The following SKAP2 variants were observed in gnomAD, a reference collection of about 807,000 sequenced individuals.
SKAP2 encodes the protein src kinase associated phosphoprotein 2, also known as src kinase-associated phosphoprotein 2.
Under a neutral mutation model 54.9 loss-of-function variants are expected in SKAP2, and 28 were observed. The ratio of observed to expected loss-of-function variants is 0.51; its 90% confidence interval spans 0.38 to 0.70. The LOEUF (loss-of-function observed/expected upper bound fraction) is 0.70. SKAP2 is among the 30% of genes least tolerant of loss of function. SKAP2 has a pLI of 0.00. For missense variants in SKAP2, 356 were observed against 424.1 expected (o/e 0.84, Z 1.41); for synonymous variants, 137 against 134.3 (o/e 1.02, Z -0.14).
intron 11 of SKAP2, among the ~76,000 whole-genome samples, chr7:26,676,158 T>A (rs575950319): frequency 2.9e-4 from 44 of 152,342 alleles, no homozygotes; most frequent in African/African-American, 1.0e-3. Flanking sequence ...ATTTGGACCC[T>A]CACAGAATTC....
At chr7:26,787,607 G>A (rs1008609196) in intron 4 of SKAP2, among the ~76,000 whole-genome samples, 12 of 152,204 alleles carry the variant, frequency 7.9e-5, no homozygotes, top group African/African-American at 2.2e-4. Flanking sequence ...GATTACAGGC[G>A]TGAGCCACCA....
intron 4 of SKAP2, among the ~76,000 whole-genome samples, chr7:26,790,430 T>G (rs1783650451): frequency 6.6e-6 from 1 of 152,218 alleles, no homozygotes; most frequent in South Asian, 2.1e-4. Flanking sequence ...ATGTGAATTT[T>G]ACAATATGAG....
At chr7:26,690,485 T>C in intron 9 of SKAP2, 123 bp from the exon 10 acceptor site, 1 of 604,892 alleles carries the variant, frequency 1.7e-6, no homozygotes. Context: ...TTTCAAAGAA[T>C]AAAATAACTC....
chr7:26,727,670 G>A (rs1465539113), intron 6 of SKAP2, among the ~76,000 whole-genome samples: 1 of 152,062 alleles, frequency 6.6e-6, no homozygotes, highest in Non-Finnish European at 1.5e-5. Context: ...AACTAGTAAA[G>A]CACATTTGAA....
chr7:26,712,816 A>T (rs757112003), intron 9 of SKAP2, among the ~76,000 whole-genome samples: 1 of 152,182 alleles, frequency 6.6e-6, no homozygotes, highest in Non-Finnish European at 1.5e-5. Flanking sequence ...CTTTGCTCTG[A>T]CCATATGCAC....
chr7:26,674,393 C>T (rs1261046951), intron 11 of SKAP2, among the ~76,000 whole-genome samples: 1 of 152,044 alleles, frequency 6.6e-6, no homozygotes, highest in Admixed American at 6.6e-5. Context: ...ATCAAGGCTA[C>T]CTCTTTAGTC....
intron 4 of SKAP2, among the ~76,000 whole-genome samples, chr7:26,765,643 G>C (rs1051538570): frequency 6.6e-6 from 1 of 152,124 alleles, no homozygotes; most frequent in Non-Finnish European, 1.5e-5. Context: ...GTTAATTTTT[G>C]TATAATGTGT....
In SKAP2 at chr7:26,742,957, T is replaced by C. The variant is rs565876909; in HGVS notation, c.308-2993A>G. Among the ~76,000 whole-genome samples, 367 of 152,298 alleles carry C rather than the reference T, an allele frequency of 2.4e-3. 1 individual carries two copies. Among genetic ancestry groups the C allele is most frequent in the Non-Finnish European group, 3.6e-3 (248 of 68,020 alleles). On this transcript the variant is annotated intron_variant, in intron 4 of 12. Transcript: ENST00000345317. The stretch of plus-strand genomic sequence containing the variant: ...ACTATACCTACAACGATTAACGCTA[T>C]TGACATTTAGGAAGATTTAGATTGG...
At chr7:26,714,200 G>A (rs1236278941) in intron 9 of SKAP2, among the ~76,000 whole-genome samples, 1 of 152,154 alleles carries the variant, frequency 6.6e-6, no homozygotes, top group African/African-American at 2.4e-5. Flanking sequence ...TTAGGTTGTA[G>A]TTCCTTGAAC....
At chr7:26,820,212 G>A (rs1784361089) in intron 4 of SKAP2, among the ~76,000 whole-genome samples, 1 of 152,066 alleles carries the variant, frequency 6.6e-6, no homozygotes, top group Non-Finnish European at 1.5e-5. Flanking sequence ...AAATATTTAA[G>A]AACTTGATTT....
At chr7:26,682,436 T>C (rs1427145373) in intron 11 of SKAP2, among the ~76,000 whole-genome samples, 1 of 152,170 alleles carries the variant, frequency 6.6e-6, no homozygotes, top group African/African-American at 2.4e-5. Context: ...TCTTCTCCTT[T>C]TTATCCTCAC....
chr7:26,717,403 A>AGGAGGCT (rs1325445318), intron 9 of SKAP2, among the ~76,000 whole-genome samples: 185 of 148,870 alleles, frequency 1.2e-3, no homozygotes, highest in African/African-American at 4.2e-3. Context: ...CCAGCTACTT[A>AGGAGGCT]GGAGGCTGAG....
At chr7:26,739,545 G>A (rs1217599182) in intron 5 of SKAP2, among the ~76,000 whole-genome samples, 2 of 152,278 alleles carry the variant, frequency 1.3e-5, no homozygotes, top group African/African-American at 4.8e-5. Context: ...TTGGGCATAG[G>A]AGAACCTGCT....
intron 4 of SKAP2, among the ~76,000 whole-genome samples, chr7:26,828,222 A>G (rs542631442): frequency 1.2e-4 from 18 of 152,336 alleles, no homozygotes; most frequent in African/African-American, 3.4e-4. Flanking sequence ...AAGAAGAGTC[A>G]TGTGATTATA....
Position 26,764,324 on chromosome 7 carries a change from T to C in SKAP2, c.308-24360A>G, listed in dbSNP as rs559310362. Among the ~76,000 whole-genome samples, 26 of 152,252 alleles carry C rather than the reference T, an allele frequency of 1.7e-4. No homozygotes were observed. The South Asian group carries it at 2.9e-3, about 17-fold the overall frequency. ...ATAGGAATAGCATAGTCATTCTCTA[T>C]AGAAGAAGAAGAAAACATAGATCAG... On this transcript the variant is annotated intron_variant, in intron 4 of 12. Transcript: ENST00000345317.
chr7:26,697,296 T>C (rs1786915059), intron 9 of SKAP2, among the ~76,000 whole-genome samples: 1 of 152,188 alleles, frequency 6.6e-6, no homozygotes, highest in African/African-American at 2.4e-5. Context: ...CTCGATCACC[T>C]ACAGGCAATT....
At chr7:26,761,720 GA>G (rs1782934194) in intron 4 of SKAP2, among the ~76,000 whole-genome samples, 1 of 152,110 alleles carries the variant, frequency 6.6e-6, no homozygotes, top group South Asian at 2.1e-4. Context: ...GCAACATGGG[GA>G]AACCCTGTCT....
intron 6 of SKAP2, among the ~76,000 whole-genome samples, chr7:26,733,904 T>G (rs1036695174): frequency 6.6e-6 from 1 of 152,144 alleles, no homozygotes; most frequent in African/African-American, 2.4e-5. Context: ...GCAAAAGCCC[T>G]GAGAGGAGGT....
chr7:26,691,337 G>A (rs1446696852), intron 9 of SKAP2, among the ~76,000 whole-genome samples: 2 of 151,952 alleles, frequency 1.3e-5, no homozygotes, highest in Non-Finnish European at 2.9e-5. Flanking sequence ...CCTCACCTAA[G>A]GATTTGCATA....
Sources: allele counts gnomAD v4.1 joint callset (sites outside exome capture counted in the v4.1 genomes callset), GRCh38; gene constraint gnomAD v4.1.1; transcripts MANE v1.5; gene names NCBI Gene and HGNC (gene_info 2026-07-23, HGNC 2026-07-21).